BICC1: variants seen among roughly 807,000 people sequenced by gnomAD.
The protein encoded by BICC1 is BicC family RNA binding protein 1, also known as protein bicaudal C homolog 1.
A neutral mutation model predicts 111.0 loss-of-function variants in BICC1; 43 were observed. The observed-to-expected ratio is 0.39, with a 90% CI of 0.30 to 0.50. The LOEUF is 0.50. Among genes scored for constraint, BICC1 ranks in the 20% least tolerant of loss-of-function variants. BICC1 has a pLI of 0.88. For missense variants in BICC1, 1,091 were observed against 1,203.2 expected, an observed-to-expected ratio of 0.91 and a Z score of 1.38; for synonymous variants, 467 against 434.4, an observed-to-expected ratio of 1.07 and a Z score of -0.93.
chr10:58,565,552 G>GC lies in BICC1; in HGVS notation c.190+52226dup, dbSNP rs575494090. ...CAGCTGGATGCTACTGTCTCCCCTT[G>GC]CCCCCCCGATGTATGCCCTGGGCGG... On this transcript the variant is annotated intron_variant, in intron 1 of 20. Transcript: ENST00000373886. Among the ~76,000 whole-genome samples the GC allele has an allele frequency of 1.3e-4, 20 of 152,094 alleles. No homozygotes were observed. The South Asian group carries it at 1.9e-3, about 14-fold the overall frequency.
At chr10:58,623,849 T>C (rs367642569) in intron 2 of BICC1, among the ~76,000 whole-genome samples, 1 of 152,116 alleles carries the variant, frequency 6.6e-6, no homozygotes, top group East Asian at 1.9e-4. Context: ...GAAAACTTAG[T>C]TATGTAGTCT....
intron 19 of BICC1, among the ~76,000 whole-genome samples, chr10:58,819,707 CAG>C (rs1844199060): frequency 1.3e-5 from 2 of 152,158 alleles, no homozygotes. Flanking sequence ...CTAGTAATGG[CAG>C]AGTCAGGATC....
Position 58,587,384 on chromosome 10 carries a change from C to T in BICC1, c.191-33471C>T, listed in dbSNP as rs892645708. ...TCTGTCCATTTGGAAAGCCTATGGC[C>T]CAGATGCTTTATGGAAAAGAAAGCT... On this transcript the variant is annotated intron_variant, in intron 1 of 20. Coordinates refer to ENST00000373886, the MANE Select transcript of BICC1 (RefSeq NM_001080512.3). Among the ~76,000 whole-genome samples the T allele has an allele frequency of 5.9e-5, 9 of 151,966 alleles. 1 individual carries two copies. Among genetic ancestry groups the T allele is most frequent in the Non-Finnish European group, 1.2e-4 (8 of 68,000 alleles).
intron 3 of BICC1, among the ~76,000 whole-genome samples, chr10:58,735,482 G>A (rs1282809595): frequency 1.3e-5 from 2 of 151,804 alleles, no homozygotes; most frequent in Non-Finnish European, 1.5e-5. Flanking sequence ...AATATTACTT[G>A]TGCTTAACAA....
chr10:58,544,819 A>G (rs944570215), intron 1 of BICC1, among the ~76,000 whole-genome samples: 3 of 152,110 alleles, frequency 2.0e-5, no homozygotes, highest in Non-Finnish European at 2.9e-5. Context: ...CTGGGAGCTC[A>G]TTTGGAGATA....
At chr10:58,746,045 A>G (rs2132625088) in intron 3 of BICC1, among the ~76,000 whole-genome samples, 1 of 152,214 alleles carries the variant, frequency 6.6e-6, no homozygotes, top group East Asian at 1.9e-4. Flanking sequence ...ATGTCCTGGT[A>G]TTATTTTTTG....
chr10:58,692,482 T>C (rs907361835), intron 2 of BICC1, among the ~76,000 whole-genome samples: 4 of 152,186 alleles, frequency 2.6e-5, no homozygotes, highest in African/African-American at 7.2e-5. Flanking sequence ...GCCTTTAAAA[T>C]TTTTTGTCAA....
intron 1 of BICC1, among the ~76,000 whole-genome samples, chr10:58,578,706 G>T (rs1844181050): frequency 6.6e-6 from 1 of 152,116 alleles, no homozygotes; most frequent in African/African-American, 2.4e-5. Context: ...TGGCATAATT[G>T]CGAGAGAGGC....
At chr10:58,569,752 C>T (rs750564625) in intron 1 of BICC1, among the ~76,000 whole-genome samples, 9 of 152,096 alleles carry the variant, frequency 5.9e-5, no homozygotes, top group Non-Finnish European at 8.8e-5. Context: ...TAGTATTCCA[C>T]GGTGTATATG....
At chr10:58,726,112 A>G (rs1347142438) in intron 3 of BICC1, among the ~76,000 whole-genome samples, 6 of 152,240 alleles carry the variant, frequency 3.9e-5, no homozygotes, top group East Asian at 1.9e-4. Context: ...TGCAAATTCA[A>G]TCATCTGACT....
upstream of BICC1, among the ~76,000 whole-genome samples, chr10:58,512,534 G>A (rs1388543672): frequency 6.6e-6 from 1 of 152,148 alleles, no homozygotes; most frequent in African/African-American, 2.4e-5. Flanking sequence ...CATGTAGGGG[G>A]AAGAGATTTG....
chr10:58,821,259 T>G (rs1213075159), intron 20 of BICC1, among the ~76,000 whole-genome samples: 4 of 152,106 alleles, frequency 2.6e-5, no homozygotes, highest in Non-Finnish European at 2.9e-5. Flanking sequence ...GTCAAGTTTA[T>G]ATGTGTCCCA....
intron 1 of BICC1, among the ~76,000 whole-genome samples, chr10:58,598,144 T>C (rs1246835220): frequency 6.6e-6 from 1 of 152,104 alleles, no homozygotes; most frequent in East Asian, 1.9e-4. Context: ...TCAGGGTCCC[T>C]GACTTCTCAC....
chr10:58,635,235 C>T (rs924042753), intron 2 of BICC1, among the ~76,000 whole-genome samples: 3 of 152,158 alleles, frequency 2.0e-5, no homozygotes, highest in African/African-American at 4.8e-5. Context: ...GAAATACAGG[C>T]ATTTACAGTT....
chr10:58,687,981 G>A (rs1839792648), intron 2 of BICC1, among the ~76,000 whole-genome samples: 2 of 152,024 alleles, frequency 1.3e-5, no homozygotes, highest in South Asian at 4.2e-4. Flanking sequence ...GGCCATCTTG[G>A]AACCTCCCCC....
chr10:58,781,468 A>T (rs1203257511), intron 3 of BICC1, among the ~76,000 whole-genome samples: 1 of 151,774 alleles, frequency 6.6e-6, no homozygotes, highest in Admixed American at 6.6e-5. Context: ...AAAGTAGTAA[A>T]TTTTTTTTTA....
intron 1 of BICC1, among the ~76,000 whole-genome samples, chr10:58,561,005 A>G (rs188267150): frequency 6.6e-6 from 1 of 152,128 alleles, no homozygotes; most frequent in East Asian, 1.9e-4. Flanking sequence ...TGTATACAGT[A>G]GCTGTTGGAT....
intron 1 of BICC1, among the ~76,000 whole-genome samples, chr10:58,612,072 TCA>T (rs1056190060): frequency 2.6e-5 from 4 of 152,200 alleles, no homozygotes; most frequent in African/African-American, 9.6e-5. Flanking sequence ...CTGAAAATTC[TCA>T]CACTTATGAG....
chr10:58,701,551 C>A (rs574481919), intron 2 of BICC1, among the ~76,000 whole-genome samples: 4 of 152,030 alleles, frequency 2.6e-5, no homozygotes, highest in African/African-American at 7.2e-5. Context: ...TGCAGTCTTA[C>A]GACGTGATGT....
Sources: gnomAD v4.1 joint callset for allele counts (sites outside exome capture counted in the v4.1 genomes callset) on GRCh38, gnomAD v4.1.1 for gene constraint, MANE v1.5 for transcripts, NCBI Gene and HGNC (gene_info 2026-07-23, HGNC 2026-07-21) for gene names.